The following TFAP2A variants were observed in gnomAD, a reference collection of about 807,000 sequenced individuals.
TFAP2A encodes transcription factor AP-2-alpha.
TFAP2A carries 7 observed loss-of-function variants against 41.5 expected under a neutral mutation model. The ratio of observed to expected loss-of-function variants is 0.17; its 90% confidence interval spans 0.10 to 0.32. The LOEUF is 0.32. TFAP2A is among the 10% of genes least tolerant of loss of function. The pLI, the probability that TFAP2A is intolerant of heterozygous loss-of-function variation, is 1.00. For missense variants in TFAP2A, 416 were observed against 563.3 expected, an observed-to-expected ratio of 0.74 and a Z score of 2.65; for synonymous variants, 247 against 242.8, an observed-to-expected ratio of 1.02 and a Z score of -0.16.
chr6:10,407,049 TTTCTCCTCCTCCAGCAAATAATCCATG>T, intron 2 of TFAP2A: 4 of 596,052 alleles, frequency 6.7e-6, no homozygotes, highest in Non-Finnish European at 6.0e-6. Context: ...CCATGGCCAA[TTTCTCCTCCTCCAGCAAATAATCCATG>T]TTTAAAAGGG....
In TFAP2A at chr6:10,397,994, A is replaced by C. The variant is rs1229630753; in HGVS notation, c.*423T>G. 3.8e-6 allele frequency: 4 copies of C among 1,062,178 alleles called. No homozygotes were observed. In the Admixed American group the frequency reaches 2.0e-4, roughly 53 times the overall value. 65.8% of individuals were successfully genotyped at this position (1,062,178 alleles called of 1,614,324 possible). A position where few individuals can be genotyped will look rare whatever the true frequency, so the allele number is the denominator to read the frequency against. On this transcript the variant is annotated 3_prime_UTR_variant, in exon 7 of 7. Transcript: ENST00000379613. ...GTGGTGACTCAGTCCCATGAAGCGC[A>C]TATAATTTTTTTTATTTTCACTTTT... is the stretch of plus-strand genomic sequence containing the variant.
rs1214663204 is a variant in TFAP2A, at chr6:10,398,046, G to T, written c.*371C>A. On this transcript the variant is annotated 3_prime_UTR_variant, in exon 7 of 7. Transcript: ENST00000379613. The surrounding 1 kb of genome is among the most constrained non-coding windows in gnomAD (Gnocchi z 5.3). ...TTTTAGAAAAAAGTTTTTAATTTTT[G>T]TTGTTGTTGTTGCTGTTGTTGATTT... is the stretch of plus-strand genomic sequence containing the variant. The T allele has an allele frequency of 3.8e-6, 4 of 1,051,756 alleles. No individual in the cohort carries two copies. Among genetic ancestry groups the T allele is most frequent in the Admixed American group, 5.1e-5 (1 of 19,610 alleles). The allele number at this position is 1,051,756 out of a possible 1,614,324, so 65.2% of individuals were successfully genotyped here.
intron 2 of TFAP2A, 33 bp from the exon 3 acceptor site, chr6:10,406,877 TATC>T: frequency 6.4e-7 from 1 of 1,563,266 alleles, no homozygotes; most frequent in Admixed American, 1.7e-5. Context: ...GATGTAAGTG[TATC>T]ATCAAAACAA....
intron 1 of TFAP2A, 47 bp from the exon 2 acceptor site, chr6:10,410,382 G>A (rs1456588521): frequency 5.2e-6 from 8 of 1,539,344 alleles, no homozygotes; most frequent in African/African-American, 1.4e-5. Context: ...ATCAGGCGTC[G>A]AGCTACAACT....
chr6:10,401,635 T>C (rs190117580), intron 5 of TFAP2A, among the ~76,000 whole-genome samples: 1 of 152,364 alleles, frequency 6.6e-6, no homozygotes, highest in African/African-American at 2.4e-5. Context: ...TATATATACA[T>C]GCTAGTTTTA....
intron 6 of TFAP2A, among the ~76,000 whole-genome samples, chr6:10,399,652 G>C (rs1761929692): frequency 6.6e-6 from 1 of 152,186 alleles, no homozygotes; most frequent in Non-Finnish European, 1.5e-5. Flanking sequence ...CCAGAAACAG[G>C]GTCCCACCCA....
Position 10,398,570 on chromosome 6 carries a change from G to A in TFAP2A, c.1167C>T (p.Gly389=). ...TGACCGCGGCACACACCGCGGGGCT[G>A]CCGAAGCCGTGGGAGATGAGGTTGA... is the stretch of plus-strand genomic sequence containing the variant. The part of the protein sequence containing the change: ...THFNLISHGF[G]SPAVCAAVTA... Residue 389 remains glycine, a synonymous_variant, in exon 7 of 7, where the codon GGC becomes GGT. Coordinates refer to ENST00000379613, the MANE Select transcript of TFAP2A (RefSeq NM_001372066.1). The surrounding 1 kb of genome is among the most constrained non-coding windows in gnomAD (Gnocchi z 5.3). 6.2e-7 allele frequency: 1 copy of A among 1,614,226 alleles called. No homozygotes were observed. Among genetic ancestry groups the A allele is most frequent in the Non-Finnish European group, 8.5e-7 (1 of 1,180,034 alleles).
At chr6:10,411,811 T>G (rs936440048) in intron 1 of TFAP2A, 9 of 1,437,012 alleles carry the variant, frequency 6.3e-6, no homozygotes, top group African/African-American at 4.3e-5. Flanking sequence ...CGCCTTCAGC[T>G]GGTCGAACCC....
chr6:10,398,231 C>T lies in TFAP2A; in HGVS notation c.*186G>A. On this transcript the variant is annotated 3_prime_UTR_variant, in exon 7 of 7. Transcript: ENST00000379613. The surrounding 1 kb of genome is among the most constrained non-coding windows in gnomAD (Gnocchi z 5.3). ...GTGCAGAGTCGGAGAGGCTGCCCCACTGACAGTCGAGAGGGCAGTCCCGGA... is the reference window on the plus strand; with the variant it reads ...GTGCAGAGTCGGAGAGGCTGCCCCATTGACAGTCGAGAGGGCAGTCCCGGA... 2.0e-6 allele frequency: 3 copies of T among 1,488,570 alleles called. No homozygotes were observed. Among genetic ancestry groups the T allele is most frequent in the Non-Finnish European group, 2.7e-6 (3 of 1,123,552 alleles). 92.2% of individuals were successfully genotyped at this position (1,488,570 alleles called of 1,614,324 possible).
chr6:10,402,726 C>A (rs899840030), intron 4 of TFAP2A, 116 bp from the exon 5 acceptor site: 50 of 814,980 alleles, frequency 6.1e-5, no homozygotes, highest in Non-Finnish European at 1.0e-4. Flanking sequence ...AGAAGCTTGG[C>A]CCCAAGACAT....
chr6:10,411,781 T>G, intron 1 of TFAP2A: 5 of 1,455,004 alleles, frequency 3.4e-6, no homozygotes, highest in Non-Finnish European at 4.5e-6. Flanking sequence ...CATCCGAACT[T>G]GAACCACCGA....
Position 10,398,696 on chromosome 6 carries a change from G to A in TFAP2A, c.1041C>T (p.Cys347=). The A allele has an allele frequency of 6.2e-7, 1 of 1,614,060 alleles. No individual in the cohort carries two copies. The highest frequency in any genetic ancestry group is 8.5e-7 in the Non-Finnish European group (1 of 1,179,990). The change falls in exon 7 of 7, where the codon TGC becomes TGT. Residue 347 remains cysteine, a synonymous_variant. Coordinates refer to ENST00000379613, the MANE Select transcript of TFAP2A (RefSeq NM_001372066.1). The surrounding 1 kb of genome is among the most constrained non-coding windows in gnomAD (Gnocchi z 5.3). ...KNMLLATKQI[C]KEFTDLLAQD... ...GAGCCAGCAGGTCGGTGAACTCTTT[G>A]CATATCTGTCTGCAGCACAAGTGGA...
upstream of TFAP2A, among the ~76,000 whole-genome samples, chr6:10,417,999 T>C (rs1206984248): frequency 6.6e-6 from 1 of 152,204 alleles, no homozygotes; most frequent in African/African-American, 2.4e-5. Context: ...ACCCAAAGAC[T>C]GCTCCGAAAG....
chr6:10,410,244 G>A lies in TFAP2A; in HGVS notation c.143C>T (p.Ser48Phe). The change falls in exon 2 of 7, where the codon TCC (serine) becomes TTC (phenylalanine). Residue 48 changes from serine to phenylalanine, a missense_variant. Transcript: ENST00000379613. ...CTGGAAGTCGGCATTGGGGGTGTGG[G>A]ACAGCGGCGGGGCGCTCGTGTAGGG... is the stretch of plus-strand genomic sequence containing the variant. The part of the protein sequence containing the change: ...QSPYTSAPPL[S>F]HTPNADFQPP... 2 of 1,611,964 alleles carry A rather than the reference G, an allele frequency of 1.2e-6. No individual in the cohort carries two copies. Among genetic ancestry groups the A allele is most frequent in the Non-Finnish European group, 1.7e-6 (2 of 1,179,186 alleles).
At chr6:10,412,855 C>G (rs1362201895) in intron 1 of TFAP2A, 1 of 157,156 alleles carries the variant, frequency 6.4e-6, no homozygotes, top group African/African-American at 2.4e-5. Flanking sequence ...GAGCTTTCCT[C>G]GGACAGGGGC....
chr6:10,406,592 G>A, intron 3 of TFAP2A: 1 of 604,996 alleles, frequency 1.7e-6, no homozygotes, highest in South Asian at 2.0e-5. Flanking sequence ...CAAATCATGA[G>A]TCAGAACAAA....
chr6:10,415,125 AAGGAGGAGGGAG>A (rs1023997380), upstream of TFAP2A: 8 of 1,557,332 alleles, frequency 5.1e-6, no homozygotes, highest in African/African-American at 2.9e-5. Context: ...GGAGGAGGAG[AAGGAGGAGGGAG>A]AGGAGGAGGG....
At position 10,414,739 on chromosome 6, in the gene TFAP2A, A is replaced by T. The variant is rs1401050681; in HGVS notation, c.51+202T>A. The T allele has an allele frequency of 5.4e-6, 4 of 738,892 alleles. No individual in the cohort carries two copies. The African/African-American group carries it at 6.9e-5, about 13-fold the overall frequency. The allele number at this position is 738,892 out of a possible 1,614,324, so 45.8% of individuals were successfully genotyped here. Reference sequence around the variant, plus strand: ...GTGGGACACGAGCTTCAAAGTAGGGAAACCAAAGAAGGGAGCATCCACGTC... The same window carrying T: ...GTGGGACACGAGCTTCAAAGTAGGGTAACCAAAGAAGGGAGCATCCACGTC... On this transcript the variant is annotated intron_variant, in intron 1 of 6. Transcript: ENST00000379613.
chr6:10,407,878 C>T (rs1581266805), intron 2 of TFAP2A: 1 of 152,204 alleles, frequency 6.6e-6, no homozygotes, highest in African/African-American at 2.4e-5. Context: ...TCATTTGTAA[C>T]TTGCCTAAAG....
Sources: allele counts gnomAD v4.1 joint callset (sites outside exome capture counted in the v4.1 genomes callset), GRCh38; gene constraint gnomAD v4.1.1; non-coding constraint Gnocchi (gnomAD v3.1); transcripts MANE v1.5; gene names NCBI Gene and HGNC (gene_info 2026-07-23, HGNC 2026-07-21).